Variants in TTC8 observed in about 807,000 individuals in gnomAD.
TTC8 encodes the protein tetratricopeptide repeat protein 8.
TTC8 carries 47 observed loss-of-function variants against 72.5 expected under a neutral mutation model. The ratio of observed to expected loss-of-function variants is 0.65; its 90% confidence interval spans 0.51 to 0.83. TTC8 has a LOEUF of 0.83. Among genes scored for constraint, TTC8 ranks in the 40% least tolerant of loss-of-function variants. The probability of loss-of-function intolerance (pLI) is 0.00; values close to 1 mark genes in which losing one functional copy is unlikely to be tolerated. For missense variants in TTC8, 611 were observed against 623.2 expected, an observed-to-expected ratio of 0.98 and a Z score of 0.21; for synonymous variants, 199 against 221.4, an observed-to-expected ratio of 0.90 and a Z score of 0.90.
chr14:88,850,853 G>A (rs1566844045), intron 7 of TTC8, among the ~76,000 whole-genome samples: 1 of 152,218 alleles, frequency 6.6e-6, no homozygotes, highest in African/African-American at 2.4e-5. Flanking sequence ...TGTGCCCAAG[G>A]CAACTGGGTT....
chr14:88,836,691 A>G (rs887849909), intron 2 of TTC8, among the ~76,000 whole-genome samples: 1 of 152,176 alleles, frequency 6.6e-6, no homozygotes, highest in East Asian at 1.9e-4. Flanking sequence ...TAACAGTATG[A>G]ATTTGAAAAT....
intron 10 of TTC8, 67 bp from the exon 11 acceptor site, chr14:88,869,992 G>A (rs1355050562): frequency 6.5e-7 from 1 of 1,543,984 alleles, no homozygotes; most frequent in African/African-American, 1.4e-5. Flanking sequence ...ACTTAAATCA[G>A]TCAGAAAAAA....
chr14:88,844,100 A>T (rs1177393431), intron 7 of TTC8, among the ~76,000 whole-genome samples: 1 of 152,184 alleles, frequency 6.6e-6, no homozygotes, highest in Non-Finnish European at 1.5e-5. Context: ...GTTATTGAGA[A>T]TACTGCATAA....
intron 12 of TTC8, 75 bp from the exon 13 acceptor site, chr14:88,872,255 A>C: frequency 6.3e-7 from 1 of 1,596,810 alleles, no homozygotes; most frequent in Non-Finnish European, 8.6e-7. Flanking sequence ...TGGTAGCAGA[A>C]GAGATACCTA....
In TTC8 at chr14:88,877,681, GT is replaced by G. The variant is rs1218200197; in HGVS notation, c.*274del. ...CTCTCACATTATATAGTAGATGTTT[GT>G]TTATAATGTTTACAAAACATTTTGG... On this transcript the variant is annotated 3_prime_UTR_variant, in exon 15 of 15. Transcript: ENST00000380656. 8.6e-6 allele frequency: 2 copies of G among 233,026 alleles called. No individual in the cohort carries two copies. Among genetic ancestry groups the G allele is most frequent in the Non-Finnish European group, 1.7e-5 (2 of 118,874 alleles). 14.4% of individuals were successfully genotyped at this position (233,026 alleles called of 1,614,324 possible).
intron 14 of TTC8, among the ~76,000 whole-genome samples, chr14:88,875,601 G>A (rs1356151564): frequency 6.6e-6 from 1 of 152,140 alleles, no homozygotes; most frequent in Non-Finnish European, 1.5e-5. Context: ...AGGGAACCAC[G>A]TGCCATTTTT....
chr14:88,849,713 A>G (rs571898406), intron 7 of TTC8, among the ~76,000 whole-genome samples: 2 of 152,342 alleles, frequency 1.3e-5, no homozygotes, highest in East Asian at 1.9e-4. Context: ...CTACAGACTA[A>G]TAGGAAGAAT....
chr14:88,839,068 A>G (rs950583887), intron 2 of TTC8, among the ~76,000 whole-genome samples: 1 of 152,240 alleles, frequency 6.6e-6, no homozygotes, highest in Non-Finnish European at 1.5e-5. Context: ...GGAAGGCTTT[A>G]TAATAAAGGA....
intron 11 of TTC8, among the ~76,000 whole-genome samples, chr14:88,870,779 A>G (rs1403924325): frequency 6.6e-6 from 1 of 152,230 alleles, no homozygotes; most frequent in Non-Finnish European, 1.5e-5. Context: ...GGTAATATAG[A>G]AAGAGATGAC....
chr14:88,864,772 G>A (rs1228528949), intron 10 of TTC8, among the ~76,000 whole-genome samples: 1 of 152,152 alleles, frequency 6.6e-6, no homozygotes, highest in Non-Finnish European at 1.5e-5. Flanking sequence ...GCTAATTTCC[G>A]TTATGTAAAG....
At chr14:88,848,562 T>A (rs1314721334) in intron 7 of TTC8, among the ~76,000 whole-genome samples, 1 of 152,194 alleles carries the variant, frequency 6.6e-6, no homozygotes, top group Non-Finnish European at 1.5e-5. Context: ...AACCTAAATG[T>A]TTAACAATAG....
intron 6 of TTC8, among the ~76,000 whole-genome samples, chr14:88,842,386 G>A (rs1459502261): frequency 1.3e-5 from 2 of 152,156 alleles, no homozygotes; most frequent in African/African-American, 4.8e-5. Context: ...ATGCCATTTG[G>A]TAGACAGGGA....
Position 88,860,808 on chromosome 14 carries a change from TTC to T in TTC8, c.799-412_799-411del, listed in dbSNP as rs2094882169. On this transcript the variant is annotated intron_variant, in intron 9 of 14. Transcript: ENST00000380656. ...CATTTTTGAAAATTCTTTCTTCTTCTTCTTTTTTTTTTTTTGAAGACAGGGTT... is the reference window on the plus strand; with the variant it reads ...CATTTTTGAAAATTCTTTCTTCTTCTTTTTTTTTTTTTTGAAGACAGGGTT... 2.1e-5 allele frequency among the ~76,000 whole-genome samples: 3 copies of T among 145,582 alleles called. No homozygotes were observed. In the South Asian group the frequency reaches 6.8e-4, roughly 33 times the overall value.
rs775393572 is a variant in TTC8 at position 88,841,069 on chromosome 14, G to C, written c.362G>C (p.Gly121Ala). ...ACACAAGCTGGAAGACCCATTACAG[G>C]TTTCCTCAGGCCCAGCACGCAGAGT... ...PITQAGRPIT[G>A]FLRPSTQSGR... The change falls in exon 5 of 15, where the codon GGT becomes GCT. Residue 121 changes from glycine (G) to alanine (A), a missense_variant. By Grantham distance (60) the Gly-to-Ala change is moderately conservative. Coordinates refer to ENST00000380656, the MANE Select transcript of TTC8 (RefSeq NM_144596.4). 1.9e-6 allele frequency: 3 copies of C among 1,614,028 alleles called. No homozygotes were observed.
In TTC8 at chr14:88,856,592, C is replaced by A. The variant is rs190643760; in HGVS notation, c.711-598C>A. The stretch of plus-strand genomic sequence containing the variant: ...GGGTGTAAGAGGTAGGCCCTACTTA[C>A]ATCAGGACAGTCATATTTAGGCAAG... On this transcript the variant is annotated intron_variant, in intron 8 of 14. Transcript: ENST00000380656. Among the ~76,000 whole-genome samples the A allele has an allele frequency of 2.0e-5, 3 of 152,248 alleles. No homozygotes were observed. In the East Asian group the frequency reaches 5.8e-4, roughly 29 times the overall value.
In TTC8 at chr14:88,841,044, A is replaced by G. The variant is rs1259150039; in HGVS notation, c.337A>G (p.Thr113Ala). ...AATTTATAATCTTCACAGGCCAATCACACAAGCTGGAAGACCCATTACAGG... is the reference window on the plus strand; with the variant it reads ...AATTTATAATCTTCACAGGCCAATCGCACAAGCTGGAAGACCCATTACAGG... ...GGPSQAVRPI[T>A]QAGRPITGFL... Residue 113 changes from threonine (T) to alanine (A), a missense_variant, in exon 5 of 15, where the codon ACA becomes GCA. Coordinates refer to ENST00000380656, the MANE Select transcript of TTC8 (RefSeq NM_144596.4). The G allele has an allele frequency of 1.2e-5, 20 of 1,613,982 alleles. No homozygotes were observed. The highest frequency in any genetic ancestry group is 1.6e-5 in the Non-Finnish European group (19 of 1,180,002).
rs748336873 is a variant in TTC8 at position 88,870,033 on chromosome 14, T to C, written c.910-26T>C. ...TTTTTGTCCAATATTAATAAAATATTGCTCTTCTCTCTTGATGGAGAATAG... is the reference window on the plus strand; with the variant it reads ...TTTTTGTCCAATATTAATAAAATATCGCTCTTCTCTCTTGATGGAGAATAG... On this transcript the variant is annotated intron_variant, in intron 10 of 14. Transcript: ENST00000380656. 6 of 1,612,500 alleles carry C rather than the reference T, an allele frequency of 3.7e-6. No individual in the cohort carries two copies. In the East Asian group the frequency reaches 8.9e-5, roughly 24 times the overall value.
intron 8 of TTC8, among the ~76,000 whole-genome samples, chr14:88,854,375 ACATTC>A (rs1299266178): frequency 6.6e-6 from 1 of 152,214 alleles, no homozygotes; most frequent in African/African-American, 2.4e-5. Context: ...TTTCACTTAT[ACATTC>A]ATTCATTCAC....
chr14:88,847,700 GACTT>G (rs982760033), intron 7 of TTC8, among the ~76,000 whole-genome samples: 11 of 152,064 alleles, frequency 7.2e-5, no homozygotes, highest in African/African-American at 2.7e-4. Flanking sequence ...AAAGGAAAAA[GACTT>G]ACTGATGCAT....
Sources: gnomAD v4.1 joint callset for allele counts (sites outside exome capture counted in the v4.1 genomes callset) on GRCh38, gnomAD v4.1.1 for gene constraint, MANE v1.5 for transcripts, NCBI Gene and HGNC (gene_info 2026-07-23, HGNC 2026-07-21) for gene names.